TMEM132E: variants seen among roughly 807,000 people sequenced by gnomAD.
TMEM132E encodes the protein transmembrane protein 132E.
A neutral mutation model predicts 78.5 loss-of-function variants in TMEM132E; 49 were observed. The ratio of observed to expected loss-of-function variants is 0.62; its 90% CI spans 0.50 to 0.79. TMEM132E has a LOEUF of 0.79. Among genes scored for constraint, TMEM132E ranks in the 30% least tolerant of loss-of-function variants. The probability of loss-of-function intolerance (pLI) is 0.00; values close to 1 mark genes in which losing one functional copy is unlikely to be tolerated. For missense variants in TMEM132E, 1,403 were observed against 1,470.9 expected (o/e 0.95, Z 0.75); for synonymous variants, 715 against 670.6 (o/e 1.07, Z -1.02).
In TMEM132E at chr17:34,581,023, C is replaced by A; in HGVS notation, c.-54C>A. The stretch of plus-strand genomic sequence containing the variant: ...GGATGTGACCAAGCCCAGCCTGGGG[C>A]CAAGTCGTCGTCGACTGTTGCTCTC... On this transcript the variant is annotated 5_prime_UTR_variant, in exon 1 of 9. Coordinates refer to ENST00000631683, the MANE Select transcript of TMEM132E (RefSeq NM_001304438.2). 1 of 1,468,064 alleles carries A rather than the reference C, an allele frequency of 6.8e-7. No individual in the cohort carries two copies. The highest frequency in any genetic ancestry group is 9.1e-7 in the Non-Finnish European group (1 of 1,096,584). The allele number at this position is 1,468,064 out of a possible 1,614,324, so 90.9% of individuals were successfully genotyped here. A position where few individuals can be genotyped will look rare whatever the true frequency, so the allele number is the denominator to read the frequency against.
chr17:34,615,517 A>ATGTGTGTGTGTGTGTGTGTGTG, intron 1 of TMEM132E, among the ~76,000 whole-genome samples: 1 of 140,770 alleles, frequency 7.1e-6, no homozygotes, highest in Non-Finnish European at 1.5e-5. Flanking sequence ...ACTGGCACAG[A>ATGTGTGTGTGTGTGTGTGTGTG]TGTGTGTGTG....
rs766642313 is a variant in TMEM132E, at chr17:34,637,877, C to T, written c.2870C>T (p.Pro957Leu). 2 of 1,607,992 alleles carry T rather than the reference C, an allele frequency of 1.2e-6. No individual in the cohort carries two copies. Among genetic ancestry groups the T allele is most frequent in the South Asian group, 1.1e-5 (1 of 90,956 alleles). ...QGELSPPAGNPLETVPAFCHG... is the reference protein window; with the variant it reads ...QGELSPPAGNLLETVPAFCHG... ...GAGCTGTCGCCGCCAGCAGGCAACC[C>T]GCTGGAAACCGTGCCCGCCTTCTGC... The change falls in exon 9 of 9, where the codon CCG (proline) becomes CTG (leucine). Residue 957 changes from proline (P) to leucine (L), a missense_variant. Around this residue, in one of 3 missense-constraint regions of TMEM132E, gnomAD observed 888 missense variants for 952.8 expected, o/e 0.93. Coordinates refer to ENST00000631683, the MANE Select transcript of TMEM132E (RefSeq NM_001304438.2).
intron 1 of TMEM132E, among the ~76,000 whole-genome samples, chr17:34,594,245 A>G (rs951305011): frequency 2.6e-5 from 4 of 152,202 alleles, no homozygotes; most frequent in Admixed American, 2.0e-4. Context: ...GATCTGCGGG[A>G]TGAATGAATG....
chr17:34,597,513 A>T (rs1021846158), intron 1 of TMEM132E, among the ~76,000 whole-genome samples: 2 of 152,130 alleles, frequency 1.3e-5, no homozygotes, highest in Non-Finnish European at 2.9e-5. Flanking sequence ...TGTGTGCCAG[A>T]CACTGACTGG....
Position 34,590,262 on chromosome 17 carries a change from C to A in TMEM132E, c.67+9119C>A, listed in dbSNP as rs1253737742. Among the ~76,000 whole-genome samples the A allele has an allele frequency of 2.0e-5, 3 of 152,232 alleles. No homozygotes were observed. In the East Asian group the frequency reaches 5.8e-4, roughly 29 times the overall value. On this transcript the variant is annotated intron_variant, in intron 1 of 8. Transcript: ENST00000631683. ...TGCTGGACACCAGGAATCCTCCCCCCCGGAGCTGGCTATGGACTCTATTCT... is the reference window on the plus strand; with the variant it reads ...TGCTGGACACCAGGAATCCTCCCCCACGGAGCTGGCTATGGACTCTATTCT...
intron 2 of TMEM132E, among the ~76,000 whole-genome samples, chr17:34,628,341 G>T (rs1016244960): frequency 6.6e-6 from 1 of 152,196 alleles, no homozygotes; most frequent in African/African-American, 2.4e-5. Flanking sequence ...GCAGGGATAC[G>T]GTAGAAGGGA....
intron 1 of TMEM132E, among the ~76,000 whole-genome samples, chr17:34,594,696 C>T (rs1905995585): frequency 1.3e-5 from 2 of 152,138 alleles, no homozygotes; most frequent in South Asian, 2.1e-4. Context: ...CTCAAGTGAT[C>T]CTCCTGCCTC....
intron 1 of TMEM132E, among the ~76,000 whole-genome samples, chr17:34,584,172 A>C (rs4795943): frequency 0.89 from 135,131 of 152,282 alleles, 60,227 homozygotes; most frequent in African/African-American, 0.97. Flanking sequence ...GATCTTGTCC[A>C]AATCCACATC....
At chr17:34,619,990 T>TG (rs1401120146) in intron 1 of TMEM132E, among the ~76,000 whole-genome samples, 4 of 152,222 alleles carry the variant, frequency 2.6e-5, no homozygotes, top group Non-Finnish European at 5.9e-5. Context: ...CCAAACCTAA[T>TG]GACAATTTTT....
At position 34,626,393 on chromosome 17, in the gene TMEM132E, A is replaced by G. The variant is rs1567719522; in HGVS notation, c.334A>G (p.Ser112Gly). 4 of 1,613,304 alleles carry G rather than the reference A, an allele frequency of 2.5e-6. No individual in the cohort carries two copies. The highest frequency in any genetic ancestry group is 1.7e-4 in the Middle Eastern group (1 of 6,060). Reference sequence around the variant, plus strand: ...GGCGCGGGAGCTCCTGCAGCCGTCCAGCACCCTGGACATCCCCGAGCGCCT... The same window carrying G: ...GGCGCGGGAGCTCCTGCAGCCGTCCGGCACCCTGGACATCCCCGAGCGCCT... ...VVARELLQPS[S>G]TLDIPERLTV... The change falls in exon 2 of 9, where the codon AGC (serine) becomes GGC (glycine). Residue 112 changes from serine to glycine, a missense_variant. By Grantham distance (56) the Ser-to-Gly change is moderately conservative. Coordinates refer to ENST00000631683, the MANE Select transcript of TMEM132E (RefSeq NM_001304438.2).
intron 1 of TMEM132E, among the ~76,000 whole-genome samples, chr17:34,620,329 C>G (rs1358204049): frequency 6.6e-6 from 1 of 152,234 alleles, no homozygotes; most frequent in Non-Finnish European, 1.5e-5. Flanking sequence ...AGTTGGGCAT[C>G]TTTGTCCAAG....
Position 34,580,956 on chromosome 17 carries a change from A to G in TMEM132E, c.-121A>G. ...CCCGAATTGCACTCTCTGGTCCCGG[A>G]GCTGCATCTGAGACAGCCGGGCGCC... On this transcript the variant is annotated 5_prime_UTR_variant, in exon 1 of 9. Transcript: ENST00000631683. 4.4e-6 allele frequency: 3 copies of G among 686,198 alleles called. No homozygotes were observed. Among genetic ancestry groups the G allele is most frequent in the Non-Finnish European group, 4.6e-6 (2 of 431,230 alleles). 42.5% of individuals were successfully genotyped at this position (686,198 alleles called of 1,614,324 possible).
intron 1 of TMEM132E, among the ~76,000 whole-genome samples, chr17:34,602,197 C>A (rs1906264079): frequency 6.6e-6 from 1 of 152,256 alleles, no homozygotes; most frequent in Non-Finnish European, 1.5e-5. Flanking sequence ...CGCATGGCCT[C>A]CCAGTCTAGG....
At chr17:34,613,189 A>ACG (rs1906654025) in intron 1 of TMEM132E, among the ~76,000 whole-genome samples, 1 of 110,276 alleles carries the variant, frequency 9.1e-6, no homozygotes, top group Non-Finnish European at 2.0e-5. Flanking sequence ...ACACACACAC[A>ACG]CACACACCCA....
In TMEM132E at chr17:34,626,771, GC is replaced by G; in HGVS notation, c.716del (p.Pro239LeufsTer56). On this transcript the variant is annotated frameshift_variant, in exon 2 of 9. Coordinates refer to ENST00000631683, the MANE Select transcript of TMEM132E (RefSeq NM_001304438.2). LOFTEE classifies it high-confidence loss of function. ...QQAELYYTLH[A>X]PDASGGCGGS... Reference sequence around the variant, plus strand: ...GGCCGAGCTCTACTACACGCTCCACGCCCCTGATGCGTCGGGGGGCTGCGGG... The same window carrying G: ...GGCCGAGCTCTACTACACGCTCCACGCCCTGATGCGTCGGGGGGCTGCGGG... 6.8e-7 allele frequency: 1 copy of G among 1,464,850 alleles called. No homozygotes were observed. The highest frequency in any genetic ancestry group is 9.1e-7 in the Non-Finnish European group (1 of 1,098,056). 90.7% of individuals were successfully genotyped at this position (1,464,850 alleles called of 1,614,324 possible).
chr17:34,636,136 G>T lies in TMEM132E; in HGVS notation c.2107G>T (p.Gly703Trp). 1 of 1,588,930 alleles carries T rather than the reference G, an allele frequency of 6.3e-7. No homozygotes were observed. ...SLALSLRPSP[G>W]SSHTILATTA... ...GGCCCTCTCCCTGCGGCCCAGCCCTGGGAGCAGCCACACCATCCTAGCCAC... is the reference window on the plus strand; with the variant it reads ...GGCCCTCTCCCTGCGGCCCAGCCCTTGGAGCAGCCACACCATCCTAGCCAC... The change falls in exon 8 of 9, where the codon GGG (glycine) becomes TGG (tryptophan). Residue 703 changes from glycine to tryptophan, a missense_variant. Coordinates refer to ENST00000631683, the MANE Select transcript of TMEM132E (RefSeq NM_001304438.2).
intron 1 of TMEM132E, among the ~76,000 whole-genome samples, chr17:34,589,507 C>T (rs568196362): frequency 2.6e-5 from 4 of 152,328 alleles, no homozygotes; most frequent in African/African-American, 7.2e-5. Context: ...TACAAAAAAT[C>T]AGTTCAGGGG....
intron 6 of TMEM132E, among the ~76,000 whole-genome samples, chr17:34,634,084 T>G (rs1472652470): frequency 1.3e-5 from 2 of 152,232 alleles, no homozygotes; most frequent in African/African-American, 4.8e-5. Flanking sequence ...AATATTCTGG[T>G]TGCTTGATCC....
chr17:34,615,411 G>GCTT (rs1046515814), intron 1 of TMEM132E, among the ~76,000 whole-genome samples: 2 of 152,114 alleles, frequency 1.3e-5, no homozygotes, highest in Non-Finnish European at 2.9e-5. Context: ...TGAGCAGCAG[G>GCTT]CTTGGTCTGG....
Sources: allele counts gnomAD v4.1 joint callset (sites outside exome capture counted in the v4.1 genomes callset), GRCh38; gene constraint gnomAD v4.1.1; regional missense constraint gnomAD v4.1.1; transcripts MANE v1.5; gene names NCBI Gene and HGNC (gene_info 2026-07-23, HGNC 2026-07-21).